METTL15: variants seen among roughly 807,000 people sequenced by gnomAD.
METTL15 encodes the protein 12S rRNA N(4)-cytidine methyltransferase METTL15.
In METTL15, 34 loss-of-function variants were observed where a neutral mutation model predicts 38.3. That is an observed-to-expected ratio of 0.89 (90% CI 0.68 to 1.18). The LOEUF (loss-of-function observed/expected upper bound fraction) is 1.18. Ranked by LOEUF, METTL15 falls within the 50% of genes most tolerant of loss-of-function variation. METTL15 has a pLI of 0.00. For missense variants in METTL15, 438 were observed against 498.4 expected (o/e 0.88, Z 1.15); for synonymous variants, 162 against 170.9 (o/e 0.95, Z 0.41).
At chr11:28,282,371 T>C (rs1470531010) in intron 4 of METTL15, among the ~76,000 whole-genome samples, 1 of 152,128 alleles carries the variant, frequency 6.6e-6, no homozygotes, top group Non-Finnish European at 1.5e-5. Flanking sequence ...AAATTCTCAA[T>C]CAGCAGCAGG....
At chr11:28,216,978 T>C (rs1463736483) in intron 4 of METTL15, among the ~76,000 whole-genome samples, 1 of 152,026 alleles carries the variant, frequency 6.6e-6, no homozygotes, top group African/African-American at 2.4e-5. Context: ...ACATTTGGGT[T>C]GGTTCCAAGT....
intron 6 of METTL15, among the ~76,000 whole-genome samples, chr11:28,499,159 TGGTC>T (rs1267920092): frequency 9.9e-5 from 15 of 152,196 alleles, no homozygotes; most frequent in African/African-American, 3.4e-4. Context: ...AGGGGTCTGC[TGGTC>T]TCAAGCAGAC....
intron 3 of METTL15, among the ~76,000 whole-genome samples, chr11:28,348,065 G>T (rs1412107394): frequency 6.6e-6 from 1 of 152,140 alleles, no homozygotes; most frequent in Non-Finnish European, 1.5e-5. Context: ...TGATATCTAT[G>T]TGTCCCATTA....
At chr11:28,172,044 T>G (rs1372896569) in intron 3 of METTL15, among the ~76,000 whole-genome samples, 1 of 152,142 alleles carries the variant, frequency 6.6e-6, no homozygotes, top group African/African-American at 2.4e-5. Context: ...CAAGCAGTTC[T>G]CCTGTCTCAG....
chr11:28,161,328 C>G (rs1177678496), intron 3 of METTL15, among the ~76,000 whole-genome samples: 1 of 151,918 alleles, frequency 6.6e-6, no homozygotes, highest in South Asian at 2.1e-4. Context: ...ATCATGTTGG[C>G]TAGGCTGGCT....
chr11:28,442,773 T>C (rs1361921036), intron 6 of METTL15, among the ~76,000 whole-genome samples: 2 of 152,166 alleles, frequency 1.3e-5, no homozygotes, highest in Admixed American at 1.3e-4. Context: ...TTTACGTTGG[T>C]TTTCGGTTGA....
intron 5 of METTL15, among the ~76,000 whole-genome samples, chr11:28,373,521 G>T (rs1027704256): frequency 7.2e-5 from 11 of 152,156 alleles, no homozygotes; most frequent in Admixed American, 3.3e-4. Flanking sequence ...ATATTAGCCC[G>T]TTGTCAGATG....
chr11:28,306,572 C>T (rs775953840), intron 6 of METTL15, among the ~76,000 whole-genome samples: 26 of 151,954 alleles, frequency 1.7e-4, no homozygotes, highest in Non-Finnish European at 3.2e-4. Context: ...CTTTACTTCA[C>T]CCAAAAATAT....
chr11:28,387,551 A>T (rs1850453842), intron 5 of METTL15, among the ~76,000 whole-genome samples: 1 of 152,042 alleles, frequency 6.6e-6, no homozygotes, highest in Non-Finnish European at 1.5e-5. Context: ...ATCGGTAATT[A>T]AAAACCTCCC....
At chr11:28,156,993 A>T (rs968708844) in intron 3 of METTL15, among the ~76,000 whole-genome samples, 5 of 152,198 alleles carry the variant, frequency 3.3e-5, no homozygotes, top group African/African-American at 9.6e-5. Context: ...TTTAACCCTT[A>T]TTCCTGAAAT....
intron 4 of METTL15, among the ~76,000 whole-genome samples, chr11:28,253,470 T>C (rs1854831828): frequency 1.3e-5 from 2 of 152,194 alleles, no homozygotes. Flanking sequence ...CTAATTGTAC[T>C]CTTTAAGTTA....
At chr11:28,275,221 C>T (rs1270560998) in intron 4 of METTL15, among the ~76,000 whole-genome samples, 3 of 150,778 alleles carry the variant, frequency 2.0e-5, no homozygotes, top group Admixed American at 6.6e-5. Flanking sequence ...GCCACTAGTT[C>T]GACTAACCAA....
intron 3 of METTL15, among the ~76,000 whole-genome samples, chr11:28,183,922 C>T (rs542495574): frequency 2.6e-5 from 4 of 152,142 alleles, no homozygotes; most frequent in Admixed American, 2.0e-4. Flanking sequence ...TTAATTACTG[C>T]CTCAATTTCA....
chr11:28,512,114 C>G (rs1401776950), intron 6 of METTL15, among the ~76,000 whole-genome samples: 1 of 152,152 alleles, frequency 6.6e-6, no homozygotes, highest in East Asian at 1.9e-4. Context: ...TCCACCTCCC[C>G]ACTAGATTAT....
intron 6 of METTL15, among the ~76,000 whole-genome samples, chr11:28,521,147 C>A (rs1489951674): frequency 6.6e-6 from 1 of 151,962 alleles, no homozygotes; most frequent in African/African-American, 2.4e-5. Context: ...ACTTGATATT[C>A]AGAATTACAA....
intron 6 of METTL15, among the ~76,000 whole-genome samples, chr11:28,524,167 G>T (rs1456968359): frequency 1.3e-5 from 2 of 152,180 alleles, no homozygotes; most frequent in African/African-American, 4.8e-5. Flanking sequence ...CTGGATAGTT[G>T]CCAGACAGTC....
intron 5 of METTL15, among the ~76,000 whole-genome samples, chr11:28,392,692 A>C (rs1850524017): frequency 1.3e-5 from 2 of 152,176 alleles, no homozygotes; most frequent in Admixed American, 1.3e-4. Flanking sequence ...TGCACATCAC[A>C]GGAAACAACA....
At chr11:28,420,950 G>T (rs192557896) in intron 5 of METTL15, among the ~76,000 whole-genome samples, 4 of 151,970 alleles carry the variant, frequency 2.6e-5, no homozygotes. Context: ...AAACAAAATT[G>T]ACAACCTTTT....
chr11:28,452,306 C>T (rs1473961473), intron 6 of METTL15, among the ~76,000 whole-genome samples: 1 of 152,138 alleles, frequency 6.6e-6, no homozygotes, highest in East Asian at 1.9e-4. Context: ...AGGATAGCAC[C>T]CCAACCTCAC....
Sources: allele counts gnomAD v4.1 joint callset (sites outside exome capture counted in the v4.1 genomes callset), GRCh38; gene constraint gnomAD v4.1.1; transcripts MANE v1.5; gene names NCBI Gene and HGNC (gene_info 2026-07-23, HGNC 2026-07-21).